Variants in CACNA2D3 observed in about 807,000 individuals in gnomAD.
CACNA2D3 encodes the protein calcium voltage-gated channel auxiliary subunit alpha2delta 3, also known as voltage-dependent calcium channel subunit alpha-2/delta-3.
In CACNA2D3, 60 loss-of-function variants were observed where a neutral mutation model predicts 160.6. The ratio of observed to expected loss-of-function variants is 0.37; its 90% CI spans 0.30 to 0.46. The LOEUF (loss-of-function observed/expected upper bound fraction) is 0.46. CACNA2D3 is among the 20% of genes least tolerant of loss of function. The pLI is 1.00. For synonymous variants in CACNA2D3, 558 were observed against 492.9 expected (o/e 1.13, Z -1.75); for missense variants, 1,205 against 1,365.0 (o/e 0.88, Z 1.85).
intron 5 of CACNA2D3, among the ~76,000 whole-genome samples, chr3:54,528,642 C>T (rs1194442965): frequency 6.6e-6 from 1 of 152,150 alleles, no homozygotes; most frequent in African/African-American, 2.4e-5. Context: ...GTCAGTGTGG[C>T]TGGGCAAACA....
At chr3:54,739,330 G>C (rs1300264643) in intron 11 of CACNA2D3, among the ~76,000 whole-genome samples, 1 of 148,644 alleles carries the variant, frequency 6.7e-6, no homozygotes, top group Non-Finnish European at 1.5e-5. Flanking sequence ...CGAAGCGGGA[G>C]AATTGCCTGA....
At chr3:54,303,818 GT>G (rs71617795) in intron 2 of CACNA2D3, among the ~76,000 whole-genome samples, 26,052 of 114,542 alleles carry the variant, frequency 0.23, 3,116 homozygotes, top group East Asian at 0.45. Flanking sequence ...CTTTTTTTCT[GT>G]TTTTTTTTTT....
chr3:54,237,305 T>G (rs1327923453), intron 2 of CACNA2D3, among the ~76,000 whole-genome samples: 1 of 152,160 alleles, frequency 6.6e-6, no homozygotes, highest in Admixed American at 6.5e-5. Flanking sequence ...AGGGGAGCCT[T>G]GAAACAGGTA....
intron 11 of CACNA2D3, among the ~76,000 whole-genome samples, chr3:54,667,788 T>C (rs1340545901): frequency 6.6e-6 from 1 of 151,808 alleles, no homozygotes; most frequent in Non-Finnish European, 1.5e-5. Context: ...CTAAAAATAA[T>C]TTTTTTTAAA....
At chr3:54,774,629 ATT>A (rs111655457) in intron 13 of CACNA2D3, among the ~76,000 whole-genome samples, 18 of 107,888 alleles carry the variant, frequency 1.7e-4, no homozygotes, top group East Asian at 5.2e-4. Flanking sequence ...CTCTTTGACT[ATT>A]TTTTTTTTTT....
intron 13 of CACNA2D3, among the ~76,000 whole-genome samples, chr3:54,796,324 G>A (rs1445725982): frequency 6.6e-6 from 1 of 152,080 alleles, no homozygotes; most frequent in Non-Finnish European, 1.5e-5. Flanking sequence ...TTCTCAGGGG[G>A]CTTTCTGTGA....
chr3:54,876,994 G>C (rs1047375981), intron 18 of CACNA2D3: 4 of 152,148 alleles, frequency 2.6e-5, no homozygotes, highest in African/African-American at 4.8e-5. Context: ...GGCAAAACTT[G>C]AACATCGATA....
At chr3:54,138,191 A>G (rs529851722) in intron 2 of CACNA2D3, among the ~76,000 whole-genome samples, 1 of 152,262 alleles carries the variant, frequency 6.6e-6, no homozygotes, top group African/African-American at 2.4e-5. Context: ...CTGTCTGAAC[A>G]TGAAGCCTGG....
At chr3:54,560,692 G>A (rs1043547612) in intron 5 of CACNA2D3, among the ~76,000 whole-genome samples, 2 of 151,990 alleles carry the variant, frequency 1.3e-5, no homozygotes, top group African/African-American at 4.8e-5. Flanking sequence ...TGTATTCCAG[G>A]GTTTTTATAG....
intron 2 of CACNA2D3, among the ~76,000 whole-genome samples, chr3:54,159,460 A>C (rs1033926647): frequency 6.6e-6 from 1 of 152,140 alleles, no homozygotes; most frequent in African/African-American, 2.4e-5. Flanking sequence ...AAAAAATTCT[A>C]AATTTTAATA....
At chr3:54,646,194 G>GCTTCCTTC (rs1169806180) in intron 11 of CACNA2D3, among the ~76,000 whole-genome samples, 575 of 13,394 alleles carry the variant, frequency 0.043, 28 homozygotes, top group Middle Eastern at 0.31. Context: ...CTCCTTCCTT[G>GCTTCCTTC]CTTCCTTCCT....
At chr3:54,944,374 GTTTTA>G (rs1701555322) in intron 27 of CACNA2D3, among the ~76,000 whole-genome samples, 1 of 151,364 alleles carries the variant, frequency 6.6e-6, no homozygotes, top group African/African-American at 2.4e-5. Flanking sequence ...TATTTTGACT[GTTTTA>G]TTTTAAATTT....
At chr3:54,576,112 G>C (rs1467023891) in intron 8 of CACNA2D3, among the ~76,000 whole-genome samples, 1 of 152,156 alleles carries the variant, frequency 6.6e-6, no homozygotes, top group African/African-American at 2.4e-5. Context: ...GATGCGCCCC[G>C]AAGCCGGTCC....
intron 11 of CACNA2D3, among the ~76,000 whole-genome samples, chr3:54,752,125 C>T (rs1701868601): frequency 6.6e-6 from 1 of 152,178 alleles, no homozygotes; most frequent in Non-Finnish European, 1.5e-5. Context: ...TAATATCATG[C>T]CAGACACCAC....
intron 5 of CACNA2D3, among the ~76,000 whole-genome samples, chr3:54,559,256 CTTCT>C (rs1702286935): frequency 6.6e-6 from 1 of 152,064 alleles, no homozygotes; most frequent in South Asian, 2.1e-4. Flanking sequence ...GTTTATTCTC[CTTCT>C]TTGTCTTCAC....
chr3:54,915,630 C>A (rs1483076907), intron 27 of CACNA2D3, among the ~76,000 whole-genome samples: 2 of 152,154 alleles, frequency 1.3e-5, no homozygotes, highest in African/African-American at 2.4e-5. Context: ...CAAATTGGGT[C>A]TTTCATCTGC....
chr3:54,866,813 T>A (rs1381251037), intron 17 of CACNA2D3, among the ~76,000 whole-genome samples: 1 of 152,202 alleles, frequency 6.6e-6, no homozygotes, highest in Admixed American at 6.5e-5. Context: ...AAGTCCTGGT[T>A]CCAGCTTGCT....
intron 6 of CACNA2D3, among the ~76,000 whole-genome samples, chr3:54,564,674 C>T (rs900612777): frequency 6.6e-6 from 1 of 152,190 alleles, no homozygotes; most frequent in South Asian, 2.1e-4. Context: ...AGTCTTTCTT[C>T]AGTCTTACTG....
chr3:54,144,789 T>C (rs1161068431), intron 2 of CACNA2D3, among the ~76,000 whole-genome samples: 4 of 152,226 alleles, frequency 2.6e-5, no homozygotes, highest in African/African-American at 9.6e-5. Flanking sequence ...AAATAATACA[T>C]GTCAAGAGTT....
Sources: allele counts gnomAD v4.1 joint callset (sites outside exome capture counted in the v4.1 genomes callset), GRCh38; gene constraint gnomAD v4.1.1; transcripts MANE v1.5; gene names NCBI Gene and HGNC (gene_info 2026-07-23, HGNC 2026-07-21).